CALD1: variants seen among roughly 807,000 people sequenced by gnomAD.
CALD1 encodes the protein caldesmon 1.
A neutral mutation model predicts 99.9 loss-of-function variants in CALD1; 33 were observed. The observed-to-expected ratio is 0.33, with a 90% CI of 0.25 to 0.44. The LOEUF (loss-of-function observed/expected upper bound fraction) is 0.44, where lower values mean the gene tolerates loss of function less well. Among genes scored for constraint, CALD1 ranks in the 20% least tolerant of loss-of-function variants. The pLI is 1.00. For missense variants in CALD1, 861 were observed against 962.1 expected, an observed-to-expected ratio of 0.89 and a Z score of 1.39; for synonymous variants, 310 against 325.0, an observed-to-expected ratio of 0.95 and a Z score of 0.50.
At chr7:134,846,074 G>A (rs1353658874) in intron 2 of CALD1, among the ~76,000 whole-genome samples, 3 of 152,116 alleles carry the variant, frequency 2.0e-5, no homozygotes, top group Admixed American at 6.6e-5. Flanking sequence ...GGGAATCTTA[G>A]ACAAACTTCC....
chr7:134,929,671 C>T (rs1395965567), intron 4 of CALD1, among the ~76,000 whole-genome samples: 4 of 6,028 alleles, frequency 6.6e-4, no homozygotes, highest in African/African-American at 2.4e-3. Context: ...TATATATATA[C>T]ACCACATTTT....
intron 1 of CALD1, among the ~76,000 whole-genome samples, chr7:134,770,435 G>T (rs1185546777): frequency 6.6e-6 from 1 of 152,080 alleles, no homozygotes; most frequent in Non-Finnish European, 1.5e-5. Flanking sequence ...GCTTTTTCTG[G>T]GGCCCTGAGG....
chr7:134,745,685 C>T (rs1052853425), intron 1 of CALD1: 1 of 152,146 alleles, frequency 6.6e-6, no homozygotes, highest in Non-Finnish European at 1.5e-5. Context: ...ATAAATTTTC[C>T]CTGGCTACAT....
At chr7:134,940,675 G>T (rs367626248) in intron 6 of CALD1, among the ~76,000 whole-genome samples, 16 of 152,304 alleles carry the variant, frequency 1.1e-4, no homozygotes, top group African/African-American at 3.1e-4. Flanking sequence ...CTCTCTCACA[G>T]ATTCTCTCAC....
chr7:134,860,134 C>T (rs1262762991), intron 2 of CALD1, among the ~76,000 whole-genome samples: 1 of 152,136 alleles, frequency 6.6e-6, no homozygotes, highest in Non-Finnish European at 1.5e-5. Flanking sequence ...ACTCTTATTT[C>T]TATGCTGCTG....
At chr7:134,727,385 A>G in the CALD1 span, among the ~76,000 whole-genome samples, 1,221 of 152,344 alleles carry the variant, frequency 8.0e-3, 14 homozygotes, top group African/African-American at 0.028. Flanking sequence ...CTCCTGTCAA[A>G]GAACAAAATT....
rs181478760 is a variant in CALD1 at position 134,958,671 on chromosome 7, C to T, written c.2061+381C>T. Among the ~76,000 whole-genome samples the T allele has an allele frequency of 7.7e-3, 1,165 of 151,362 alleles. 6 individuals carry two copies. The highest frequency in any genetic ancestry group is 0.014 in the Middle Eastern group (4 of 292). ...TCCACCCGCCTTGGCCTCCCAAAGC[C>T]GAATGTGAGCCACCACACCTGGCCC... is the stretch of plus-strand genomic sequence containing the variant. On this transcript the variant is annotated intron_variant, in intron 11 of 14. Coordinates refer to ENST00000361675, the MANE Select transcript of CALD1 (RefSeq NM_033138.4).
intron 1 of CALD1, among the ~76,000 whole-genome samples, chr7:134,789,031 T>A (rs372687560): frequency 3.2e-3 from 373 of 116,706 alleles, no homozygotes; most frequent in Middle Eastern, 4.5e-3. Context: ...AAACAAAAAG[T>A]AAAAAAAAAA....
intron 1 of CALD1, among the ~76,000 whole-genome samples, chr7:134,744,754 C>T (rs1441612624): frequency 1.3e-5 from 2 of 152,104 alleles, no homozygotes; most frequent in Admixed American, 6.5e-5. Context: ...CTTAGCTACA[C>T]CCTTTGTTTC....
chr7:134,914,307 G>T (rs1586289194), intron 3 of CALD1, among the ~76,000 whole-genome samples: 1 of 152,206 alleles, frequency 6.6e-6, no homozygotes, highest in East Asian at 1.9e-4. Flanking sequence ...CCTCCATGGT[G>T]CTGCTGTTCT....
chr7:134,942,414 C>T (rs960713223), intron 7 of CALD1, among the ~76,000 whole-genome samples: 1 of 152,200 alleles, frequency 6.6e-6, no homozygotes, highest in South Asian at 2.1e-4. Flanking sequence ...AAGCAGAAAC[C>T]TATTCATATT....
At chr7:134,908,123 A>G (rs1251944771) in intron 3 of CALD1, among the ~76,000 whole-genome samples, 1 of 152,146 alleles carries the variant, frequency 6.6e-6, no homozygotes, top group Non-Finnish European at 1.5e-5. Context: ...GGGTTACATG[A>G]TGTTTTCATT....
At chr7:134,749,337 G>A (rs913911651) in intron 1 of CALD1, among the ~76,000 whole-genome samples, 4 of 152,160 alleles carry the variant, frequency 2.6e-5, no homozygotes, top group Admixed American at 1.3e-4. Flanking sequence ...GCAAGGCCAG[G>A]GGCCGGGCAT....
the CALD1 span, among the ~76,000 whole-genome samples, chr7:134,731,440 G>A: frequency 6.6e-6 from 1 of 152,004 alleles, no homozygotes; most frequent in Non-Finnish European, 1.5e-5. Context: ...TCTGGCTTCA[G>A]CTCTGAATGC....
At chr7:134,763,867 G>A (rs989492257) in intron 1 of CALD1, among the ~76,000 whole-genome samples, 3 of 147,674 alleles carry the variant, frequency 2.0e-5, no homozygotes, top group South Asian at 2.1e-4. Flanking sequence ...GCAGTGAGCC[G>A]AGATCGTGCC....
At chr7:134,786,618 C>A (rs1797316578) in intron 1 of CALD1, among the ~76,000 whole-genome samples, 1 of 151,914 alleles carries the variant, frequency 6.6e-6, no homozygotes, top group Admixed American at 6.6e-5. Context: ...TTCGTATATA[C>A]CCAGTGCGTG....
At position 134,968,878 on chromosome 7, in the gene CALD1, T is replaced by C. The variant is rs1431959726; in HGVS notation, c.*533T>C. On this transcript the variant is annotated 3_prime_UTR_variant, in exon 15 of 15. Coordinates refer to ENST00000361675, the MANE Select transcript of CALD1 (RefSeq NM_033138.4). ...TGTCTTTAAAAAAAAAAAAGAAATG[T>C]ACTGTTAAGGTATTACTTTTTTTCA... 5.2e-6 allele frequency: 1 copy of C among 192,112 alleles called. No homozygotes were observed. Among genetic ancestry groups the C allele is most frequent in the Non-Finnish European group, 1.1e-5 (1 of 89,200 alleles). 11.9% of individuals were successfully genotyped at this position (192,112 alleles called of 1,614,324 possible).
upstream of CALD1, among the ~76,000 whole-genome samples, chr7:134,777,052 T>G (rs2131651308): frequency 6.6e-6 from 1 of 152,312 alleles, no homozygotes; most frequent in African/African-American, 2.4e-5. Flanking sequence ...TATATAAATC[T>G]CGTGTATTTT....
intron 3 of CALD1, among the ~76,000 whole-genome samples, chr7:134,907,172 A>G (rs1803451842): frequency 6.6e-6 from 1 of 152,186 alleles, no homozygotes; most frequent in South Asian, 2.1e-4. Context: ...ACCACGAAAC[A>G]GGATAGGATT....
Sources: gnomAD v4.1 joint callset for allele counts (sites outside exome capture counted in the v4.1 genomes callset) on GRCh38, gnomAD v4.1.1 for gene constraint, MANE v1.5 for transcripts, NCBI Gene and HGNC (gene_info 2026-07-23, HGNC 2026-07-21) for gene names.